Variants in SGCD observed in about 807,000 individuals in gnomAD.
SGCD encodes the protein delta-sarcoglycan.
A neutral mutation model predicts 36.6 loss-of-function variants in SGCD; 18 were observed. The observed-to-expected ratio is 0.49, with a 90% confidence interval of 0.34 to 0.73. The LOEUF (loss-of-function observed/expected upper bound fraction) is 0.73, where lower values mean the gene tolerates loss of function less well. Ranked by LOEUF, SGCD falls within the 30% of genes least tolerant of loss-of-function variation. SGCD has a pLI of 0.01. For missense variants in SGCD, 387 were observed against 346.7 expected (o/e 1.12, Z -0.92); for synonymous variants, 133 against 130.6 (o/e 1.02, Z -0.12).
At chr5:156,079,726 C>A (rs938041804) in intron 1 of SGCD, among the ~76,000 whole-genome samples, 2 of 152,218 alleles carry the variant, frequency 1.3e-5, no homozygotes, top group African/African-American at 2.4e-5. Context: ...AAGAGGTGGG[C>A]CCCTAAGGTC....
intron 3 of SGCD, among the ~76,000 whole-genome samples, chr5:156,486,870 C>T (rs1222456813): frequency 2.0e-5 from 3 of 152,162 alleles, no homozygotes; most frequent in Admixed American, 2.0e-4. Flanking sequence ...CCAGCCTCCA[C>T]CACCACCAGT....
At chr5:155,959,088 C>A (rs1040887290) in intron 1 of SGCD, among the ~76,000 whole-genome samples, 10 of 152,062 alleles carry the variant, frequency 6.6e-5, no homozygotes, top group African/African-American at 2.4e-4. Flanking sequence ...CAAGGTCATG[C>A]AAAACACAAG....
chr5:156,469,050 T>C (rs1411146089), intron 3 of SGCD, among the ~76,000 whole-genome samples: 2 of 152,128 alleles, frequency 1.3e-5, no homozygotes, highest in Non-Finnish European at 2.9e-5. Context: ...TGGTGCAAAG[T>C]TCCTGACATA....
intron 4 of SGCD, among the ~76,000 whole-genome samples, chr5:156,523,710 T>C (rs908561351): frequency 2.0e-5 from 3 of 151,792 alleles, no homozygotes; most frequent in African/African-American, 7.3e-5. Flanking sequence ...CACGGTAGAG[T>C]TCAGGGGCAG....
intron 7 of SGCD, among the ~76,000 whole-genome samples, chr5:156,672,889 G>A (rs983914986): frequency 2.6e-5 from 4 of 152,082 alleles, no homozygotes; most frequent in East Asian, 3.9e-4. Flanking sequence ...TGAAGCACTC[G>A]TCTCTACATT....
intron 1 of SGCD, among the ~76,000 whole-genome samples, chr5:156,017,622 A>T (rs1330130165): frequency 6.6e-6 from 1 of 152,092 alleles, no homozygotes. Flanking sequence ...GATATGTAAG[A>T]AATTCAATGA....
chr5:156,304,310 T>C (rs1325869107), intron 3 of SGCD, among the ~76,000 whole-genome samples: 1 of 152,072 alleles, frequency 6.6e-6, no homozygotes, highest in Admixed American at 6.6e-5. Flanking sequence ...AGGAACCCGG[T>C]GGGAGGTAAT....
intron 7 of SGCD, among the ~76,000 whole-genome samples, chr5:156,753,200 ATTC>A (rs767392791): frequency 1.1e-4 from 16 of 152,244 alleles, no homozygotes; most frequent in South Asian, 1.0e-3. Flanking sequence ...TTTGAGAACC[ATTC>A]TTCTTGAAGA....
chr5:156,192,385 T>C (rs1430766840), intron 3 of SGCD, among the ~76,000 whole-genome samples: 2 of 152,128 alleles, frequency 1.3e-5, no homozygotes, highest in Non-Finnish European at 2.9e-5. Context: ...AAGACAAATA[T>C]CATGTGTTCT....
At position 155,998,347 on chromosome 5, in the gene SGCD, C is replaced by T. The variant is rs186735750; in HGVS notation, c.-281-119531C>T. Among the ~76,000 whole-genome samples the T allele has an allele frequency of 1.6e-3, 248 of 152,142 alleles. 1 individual carries two copies. The highest frequency in any genetic ancestry group is 2.8e-3 in the Non-Finnish European group (190 of 67,996). ...GTAGTCTGTGTTGAAAAATAATTTTCAAAATATCTTCTATTTTCAGGCAAG... is the reference window on the plus strand; with the variant it reads ...GTAGTCTGTGTTGAAAAATAATTTTTAAAATATCTTCTATTTTCAGGCAAG... On this transcript the variant is annotated intron_variant, in intron 1 of 9. Transcript: ENST00000517913.
the SGCD span, among the ~76,000 whole-genome samples, chr5:155,797,269 GA>G: frequency 6.6e-6 from 1 of 152,160 alleles, no homozygotes; most frequent in African/African-American, 2.4e-5. Context: ...ATATAAGGTA[GA>G]AATAATGAAT....
intron 3 of SGCD, among the ~76,000 whole-genome samples, chr5:156,347,811 A>C (rs1228458555): frequency 6.6e-6 from 1 of 152,202 alleles, no homozygotes; most frequent in Non-Finnish European, 1.5e-5. Context: ...AAGTATATGT[A>C]AATGTATATT....
Position 156,132,086 on chromosome 5 carries a change from C to T in SGCD, c.-44+8067C>T, listed in dbSNP as rs78968559. ...GCTATATAAGTAGAAAATCTCTATG[C>T]ACCTCCAAGTAATGTTGTCAAAAGG... On this transcript the variant is annotated intron_variant, in intron 3 of 9. Coordinates refer to the SGCD transcript ENST00000517913. Among the ~76,000 whole-genome samples, 448 of 152,270 alleles carry T rather than the reference C, an allele frequency of 2.9e-3. 5 individuals are homozygous for T. Among genetic ancestry groups the T allele is most frequent in the African/African-American group, 9.8e-3 (406 of 41,536 alleles).
At chr5:156,295,877 G>A (rs529911323) in intron 3 of SGCD, among the ~76,000 whole-genome samples, 15 of 152,262 alleles carry the variant, frequency 9.9e-5, no homozygotes, top group African/African-American at 3.6e-4. Flanking sequence ...ACCAGTAGAA[G>A]CAACTCAACA....
the SGCD span, among the ~76,000 whole-genome samples, chr5:155,783,709 AT>A: frequency 0.013 from 2,041 of 152,298 alleles, 55 homozygotes; most frequent in African/African-American, 0.047. Context: ...TATGCTGAAA[AT>A]AACATTGCAG....
At chr5:156,277,242 G>C (rs531372282) in intron 3 of SGCD, among the ~76,000 whole-genome samples, 1 of 152,076 alleles carries the variant, frequency 6.6e-6, no homozygotes, top group Non-Finnish European at 1.5e-5. Context: ...AATTCAAGGA[G>C]GCTCCTTTCC....
chr5:156,123,624 G>A (rs1762100453), intron 2 of SGCD, among the ~76,000 whole-genome samples: 1 of 152,194 alleles, frequency 6.6e-6, no homozygotes, highest in South Asian at 2.1e-4. Flanking sequence ...AATTTGATTT[G>A]TTAAGTCCTA....
At chr5:156,147,543 A>G (rs1335201997) in intron 3 of SGCD, among the ~76,000 whole-genome samples, 1 of 152,214 alleles carries the variant, frequency 6.6e-6, no homozygotes, top group Non-Finnish European at 1.5e-5. Context: ...CCGACTAGAA[A>G]GCAAGATTTC....
At chr5:155,765,232 A>G in the SGCD span, among the ~76,000 whole-genome samples, 1 of 151,774 alleles carries the variant, frequency 6.6e-6, no homozygotes, top group Non-Finnish European at 1.5e-5. Flanking sequence ...GTAAGCTGTG[A>G]TTGTGCCAGT....
Sources: allele counts gnomAD v4.1 joint callset (sites outside exome capture counted in the v4.1 genomes callset), GRCh38; gene constraint gnomAD v4.1.1; transcripts MANE v1.5; gene names NCBI Gene and HGNC (gene_info 2026-07-23, HGNC 2026-07-21).